The following ENPP2 variants were observed in gnomAD, a reference collection of about 807,000 sequenced individuals.
ENPP2 encodes autotaxin.
In ENPP2, 51 loss-of-function variants were observed where a neutral mutation model predicts 120.2. The observed-to-expected ratio is 0.42, with a 90% confidence interval of 0.34 to 0.54. The LOEUF (loss-of-function observed/expected upper bound fraction) is 0.54, where lower values mean the gene tolerates loss of function less well. Among genes scored for constraint, ENPP2 ranks in the 20% least tolerant of loss-of-function variants. The probability of loss-of-function intolerance (pLI) is 0.04; values close to 1 mark genes in which losing one functional copy is unlikely to be tolerated. For synonymous variants in ENPP2, 365 were observed against 366.4 expected, an observed-to-expected ratio of 1.00 and a Z score of 0.04; for missense variants, 920 against 1,066.5, an observed-to-expected ratio of 0.86 and a Z score of 1.91.
intron 11 of ENPP2, chr8:119,595,735 G>T: frequency 2.0e-6 from 2 of 985,622 alleles, no homozygotes; most frequent in Non-Finnish European, 3.1e-6. Flanking sequence ...CAAGGTCAAT[G>T]CACCAGAGTT....
chr8:119,620,199 C>T (rs903326014), intron 4 of ENPP2, among the ~76,000 whole-genome samples: 1 of 152,138 alleles, frequency 6.6e-6, no homozygotes, highest in Non-Finnish European at 1.5e-5. Flanking sequence ...GAATTTTAAA[C>T]CAGTAAAAGC....
At chr8:119,586,030 A>G (rs1035333110) in intron 15 of ENPP2, among the ~76,000 whole-genome samples, 156 bp downstream of exon 15, 1 of 152,112 alleles carries the variant, frequency 6.6e-6, no homozygotes, top group African/African-American at 2.4e-5. Flanking sequence ...ATATTGTCTC[A>G]GCACTGATGG....
intron 15 of ENPP2, 126 bp from the exon 16 acceptor site, chr8:119,584,175 A>G: frequency 1.6e-6 from 1 of 644,890 alleles, no homozygotes; most frequent in Non-Finnish European, 2.7e-6. Flanking sequence ...TTTTAATTGC[A>G]TTCTTCTTGT....
At chr8:119,664,435 G>C (rs1818012166) in intron 1 of ENPP2, among the ~76,000 whole-genome samples, 1 of 152,090 alleles carries the variant, frequency 6.6e-6, no homozygotes, top group African/African-American at 2.4e-5. Flanking sequence ...GGGTCAAGGA[G>C]ATAATGGAAA....
In ENPP2 at chr8:119,582,592, T is replaced by C; in HGVS notation, c.1554A>G (p.Gly518=). Residue 518 remains glycine (G), a synonymous_variant, in exon 18 of 25, where the codon GGA becomes GGG. Coordinates refer to ENST00000075322, the MANE Select transcript of ENPP2 (RefSeq NM_001040092.3). ...TCCCATTATTAGGAGCTGGCTTCAATCCCAGGAGATCTAATGAAAATTAAG... is the reference window on the plus strand; with the variant it reads ...TCCCATTATTAGGAGCTGGCTTCAACCCCAGGAGATCTAATGAAAATTAAG... The part of the protein sequence containing the change: ...ELYNVMCDLL[G]LKPAPNNGTH... 1.2e-6 allele frequency: 2 copies of C among 1,610,370 alleles called. No individual in the cohort carries two copies. Among genetic ancestry groups the C allele is most frequent in the East Asian group, 4.5e-5 (2 of 44,860 alleles).
At chr8:119,657,583 T>A (rs1295076825) in intron 1 of ENPP2, among the ~76,000 whole-genome samples, 3 of 150,058 alleles carry the variant, frequency 2.0e-5, no homozygotes, top group Non-Finnish European at 4.4e-5. Flanking sequence ...GCGGTCAACA[T>A]GACTTAGTGC....
chr8:119,661,027 G>T (rs913653047), intron 1 of ENPP2, among the ~76,000 whole-genome samples: 5 of 152,134 alleles, frequency 3.3e-5, no homozygotes, highest in African/African-American at 1.2e-4. Context: ...ATTTAAAGAT[G>T]AAGCTGGAAA....
chr8:119,621,716 AG>A (rs1478132781), intron 3 of ENPP2, among the ~76,000 whole-genome samples, 197 bp from the exon 4 acceptor site: 12 of 152,244 alleles, frequency 7.9e-5, no homozygotes, highest in African/African-American at 2.7e-4. Flanking sequence ...TTTTCAAATC[AG>A]AGAACAACAT....
At chr8:119,617,707 G>A (rs573739010) in intron 5 of ENPP2, 144 bp from the exon 6 acceptor site, 2 of 619,614 alleles carry the variant, frequency 3.2e-6, no homozygotes, top group South Asian at 4.0e-5. Context: ...CCAGCACTTT[G>A]GGAGTCCGAG....
intron 8 of ENPP2, among the ~76,000 whole-genome samples, chr8:119,611,646 T>A (rs1815116906): frequency 1.3e-5 from 2 of 152,178 alleles, no homozygotes; most frequent in Admixed American, 1.3e-4. Flanking sequence ...AGGCTCTAGA[T>A]TGGGTCTTCG....
At chr8:119,564,567 A>G (rs937276980) in intron 23 of ENPP2, among the ~76,000 whole-genome samples, 7 of 151,958 alleles carry the variant, frequency 4.6e-5, no homozygotes, top group Non-Finnish European at 8.8e-5. Flanking sequence ...AATCCCAGTT[A>G]CTCAGGAGGC....
chr8:119,625,236 G>A (rs945560605), intron 3 of ENPP2, among the ~76,000 whole-genome samples: 1 of 152,178 alleles, frequency 6.6e-6, no homozygotes, highest in Non-Finnish European at 1.5e-5. Context: ...TGGAACATCT[G>A]TTCCATCTAT....
At chr8:119,565,063 A>G (rs943899763) in intron 22 of ENPP2, 108 bp from the exon 23 acceptor site, 21 of 855,302 alleles carry the variant, frequency 2.5e-5, no homozygotes, top group African/African-American at 1.7e-4. Context: ...ACAAGCCAAG[A>G]GACAAGAGAG....
At chr8:119,582,629 G>C in intron 17 of ENPP2, 27 bp from the exon 18 acceptor site, 8 of 1,528,392 alleles carry the variant, frequency 5.2e-6, no homozygotes, top group Non-Finnish European at 7.2e-6. Flanking sequence ...AAAGGAGGCA[G>C]GTGCTTCTTA....
chr8:119,603,754 G>GGT (rs1405168559), intron 9 of ENPP2, among the ~76,000 whole-genome samples: 1 of 152,132 alleles, frequency 6.6e-6, no homozygotes, highest in Non-Finnish European at 1.5e-5. Context: ...CAAAATATTT[G>GGT]TTAAGGGCAT....
intron 13 of ENPP2, among the ~76,000 whole-genome samples, chr8:119,590,131 C>T (rs1427654919): frequency 6.6e-6 from 1 of 152,128 alleles, no homozygotes; most frequent in Non-Finnish European, 1.5e-5. Context: ...TAAAAATGAT[C>T]AGCCTGAACT....
chr8:119,583,680 G>T, intron 17 of ENPP2, 37 bp downstream of exon 17: 2 of 1,140,982 alleles, frequency 1.8e-6, no homozygotes, highest in Non-Finnish European at 2.6e-6. Context: ...ACTAACTAAA[G>T]ATTGTTTCAA....
Position 119,590,633 on chromosome 8 carries a change from A to G in ENPP2, c.1082-3T>C, listed in dbSNP as rs2130430376. 1.3e-6 allele frequency: 2 copies of G among 1,489,718 alleles called. No individual in the cohort carries two copies. Among genetic ancestry groups the G allele is most frequent in the South Asian group, 1.4e-5 (1 of 72,058 alleles). 92.3% of individuals were successfully genotyped at this position (1,489,718 alleles called of 1,614,324 possible). On this transcript the variant is annotated splice_polypyrimidine_tract_variant and splice_region_variant and intron_variant, in intron 12 of 24. Coordinates refer to ENST00000075322, the MANE Select transcript of ENPP2 (RefSeq NM_001040092.3). The stretch of plus-strand genomic sequence containing the variant: ...ATCACATGTGACATCTTCCATTCCT[A>G]TGGGGAGGGAGAAAAAGAATATTTT...
At chr8:119,616,631 G>T (rs561588774) in intron 7 of ENPP2, among the ~76,000 whole-genome samples, 142 of 152,044 alleles carry the variant, frequency 9.3e-4, no homozygotes, top group Non-Finnish European at 1.7e-3. Flanking sequence ...GTTTTTTTCT[G>T]CTGTAATTTA....
Sources: allele counts gnomAD v4.1 joint callset (sites outside exome capture counted in the v4.1 genomes callset), GRCh38; gene constraint gnomAD v4.1.1; transcripts MANE v1.5; gene names NCBI Gene and HGNC (gene_info 2026-07-23, HGNC 2026-07-21).